SCHIP1: variants seen among roughly 807,000 people sequenced by gnomAD.
SCHIP1 encodes schwannomin-interacting protein 1.
In SCHIP1, 8 loss-of-function variants were observed where a neutral mutation model predicts 29.7. The observed-to-expected ratio is 0.27, with a 90% CI of 0.16 to 0.49. The LOEUF is 0.49. Ranked by LOEUF, SCHIP1 falls within the 20% of genes least tolerant of loss-of-function variation. SCHIP1 has a pLI of 0.99. For missense variants in SCHIP1, 193 were observed against 294.6 expected, an observed-to-expected ratio of 0.66 and a Z score of 2.52; for synonymous variants, 76 against 94.9, an observed-to-expected ratio of 0.80 and a Z score of 1.16.
chr3:159,638,615 G>GAA, the SCHIP1 span, among the ~76,000 whole-genome samples: 39 of 119,752 alleles, frequency 3.3e-4, no homozygotes, highest in African/African-American at 1.1e-3. Flanking sequence ...TATTATAGAG[G>GAA]AAAAAAAAAA....
At chr3:159,339,513 T>G in the SCHIP1 span, among the ~76,000 whole-genome samples, 1 of 152,278 alleles carries the variant, frequency 6.6e-6, no homozygotes, top group Non-Finnish European at 1.5e-5. Context: ...TCTCCTTACA[T>G]AGAAGATCTC....
At chr3:159,406,370 A>G in the SCHIP1 span, among the ~76,000 whole-genome samples, 1 of 152,228 alleles carries the variant, frequency 6.6e-6, no homozygotes, top group Non-Finnish European at 1.5e-5. Context: ...TTATCCTAGA[A>G]TAGTATATCT....
the SCHIP1 span, among the ~76,000 whole-genome samples, chr3:159,586,611 T>A: frequency 7.2e-5 from 11 of 152,272 alleles, no homozygotes; most frequent in African/African-American, 2.6e-4. Flanking sequence ...CTGAGGATGC[T>A]ATAAGGCTCA....
the SCHIP1 span, among the ~76,000 whole-genome samples, chr3:159,286,052 T>A: frequency 5.3e-5 from 8 of 152,208 alleles, no homozygotes; most frequent in African/African-American, 1.9e-4. Flanking sequence ...TTTTATTCAT[T>A]GTGTTTATTC....
At chr3:159,372,092 A>G in the SCHIP1 span, among the ~76,000 whole-genome samples, 1 of 152,198 alleles carries the variant, frequency 6.6e-6, no homozygotes, top group Admixed American at 6.5e-5. Flanking sequence ...ATATTGGTCA[A>G]AGAATATATG....
At chr3:159,310,955 T>A in the SCHIP1 span, among the ~76,000 whole-genome samples, 1 of 152,126 alleles carries the variant, frequency 6.6e-6, no homozygotes, top group Non-Finnish European at 1.5e-5. Flanking sequence ...TGGATGATTG[T>A]GGAGATATAG....
the SCHIP1 span, among the ~76,000 whole-genome samples, chr3:159,811,200 T>G: frequency 5.3e-5 from 8 of 152,282 alleles, no homozygotes; most frequent in Non-Finnish European, 1.2e-4. Flanking sequence ...ACAAATCCTT[T>G]ACCAGAAATA....
the SCHIP1 span, among the ~76,000 whole-genome samples, chr3:159,516,409 C>T: frequency 1.3e-5 from 2 of 152,168 alleles, no homozygotes; most frequent in Non-Finnish European, 2.9e-5. Context: ...CGCTCTGCCT[C>T]TCCAGCCTTG....
chr3:159,826,572 T>A, the SCHIP1 span, among the ~76,000 whole-genome samples: 1 of 152,134 alleles, frequency 6.6e-6, no homozygotes, highest in Non-Finnish European at 1.5e-5. Context: ...TGGTGTTCAT[T>A]TTCCTAGATT....
chr3:159,881,838 T>G (rs1009993172), intron 2 of SCHIP1, among the ~76,000 whole-genome samples: 19 of 152,216 alleles, frequency 1.2e-4, no homozygotes, highest in Non-Finnish European at 1.8e-4. Context: ...TGTTCTGAGC[T>G]GGGCTTGGAC....
the SCHIP1 span, among the ~76,000 whole-genome samples, chr3:159,594,683 A>T: frequency 6.6e-6 from 1 of 152,218 alleles, no homozygotes; most frequent in African/African-American, 2.4e-5. Context: ...CAGCATAGAG[A>T]CAAGCCTATT....
At chr3:159,404,808 A>T in the SCHIP1 span, among the ~76,000 whole-genome samples, 19 of 152,328 alleles carry the variant, frequency 1.2e-4, no homozygotes, top group Non-Finnish European at 2.4e-4. Flanking sequence ...GAAACCAGGC[A>T]GTGGTTACTG....
At chr3:159,522,345 T>G in the SCHIP1 span, among the ~76,000 whole-genome samples, 1 of 152,230 alleles carries the variant, frequency 6.6e-6, no homozygotes, top group Non-Finnish European at 1.5e-5. Flanking sequence ...TTGCAAGTAA[T>G]AGAGTTCTTG....
the SCHIP1 span, among the ~76,000 whole-genome samples, chr3:159,691,362 T>A: frequency 1.9e-4 from 29 of 152,200 alleles, no homozygotes; most frequent in African/African-American, 6.7e-4. Flanking sequence ...TGGTCTTTTT[T>A]GATCTTTGTT....
the SCHIP1 span, chr3:159,275,130 G>A: frequency 1.1e-6 from 1 of 932,144 alleles, no homozygotes. Context: ...ATACATTTTT[G>A]TCATCTTTGC....
At chr3:159,418,720 G>A in the SCHIP1 span, among the ~76,000 whole-genome samples, 1 of 152,190 alleles carries the variant, frequency 6.6e-6, no homozygotes, top group African/African-American at 2.4e-5. Flanking sequence ...CTGACGGTCT[G>A]GCTTGGGAAA....
the SCHIP1 span, among the ~76,000 whole-genome samples, chr3:159,490,200 A>G: frequency 6.6e-6 from 1 of 152,168 alleles, no homozygotes; most frequent in South Asian, 2.1e-4. Flanking sequence ...TGGACTATCC[A>G]TCATCTTGAG....
the SCHIP1 span, among the ~76,000 whole-genome samples, chr3:159,284,398 A>C: frequency 6.6e-6 from 1 of 152,148 alleles, no homozygotes; most frequent in Non-Finnish European, 1.5e-5. Flanking sequence ...ATTTTATAAG[A>C]ATCAGCTATT....
the SCHIP1 span, among the ~76,000 whole-genome samples, chr3:159,379,332 C>T: frequency 6.6e-6 from 1 of 152,046 alleles, no homozygotes. Flanking sequence ...AGCGATTCTC[C>T]TGCCTCAGCC....
Sources: allele counts gnomAD v4.1 joint callset (sites outside exome capture counted in the v4.1 genomes callset), GRCh38; gene constraint gnomAD v4.1.1; transcripts MANE v1.5; gene names NCBI Gene and HGNC (gene_info 2026-07-23, HGNC 2026-07-21).